The following SALL3 variants were observed in gnomAD, a reference collection of about 807,000 sequenced individuals.
SALL3 encodes the protein sal-like protein 3.
A neutral mutation model predicts 66.2 loss-of-function variants in SALL3; 25 were observed. The observed-to-expected ratio is 0.38, with a 90% confidence interval of 0.28 to 0.53. The LOEUF is 0.53. SALL3 is among the 20% of genes least tolerant of loss of function. SALL3 has a pLI of 0.85. For missense variants in SALL3, 2,194 were observed against 1,916.5 expected (o/e 1.14, Z -2.70); for synonymous variants, 1,152 against 899.1 (o/e 1.28, Z -5.03).
intron 2 of SALL3, 130 bp from the exon 3 acceptor site, chr18:78,996,761 C>A: frequency 1.2e-6 from 1 of 836,418 alleles, no homozygotes; most frequent in South Asian, 1.9e-5. Flanking sequence ...CAGAAAAGTC[C>A]ACCTGTGTTT....
chr18:78,997,139 G>A lies in SALL3; in HGVS notation c.3720G>A (p.Gln1240=), dbSNP rs757128614. Reference sequence around the variant, plus strand: ...TCATCCAGAACGGCGGCATCCCCCAGCTCCCCGTGAGTCTTGGGGGCAGCG... The same window carrying A: ...TCATCCAGAACGGCGGCATCCCCCAACTCCCCGTGAGTCTTGGGGGCAGCG... ...ISVIQNGGIP[Q]LPVSLGGSAL... The change falls in exon 3 of 3, where the codon CAG becomes CAA. Residue 1240 remains glutamine (Q), a synonymous_variant. Transcript: ENST00000537592. The A allele has an allele frequency of 1.2e-6, 2 of 1,614,004 alleles. No homozygotes were observed. The highest frequency in any genetic ancestry group is 2.2e-5 in the South Asian group (2 of 91,084).
intron 2 of SALL3, 67 bp downstream of exon 2, chr18:78,995,529 C>T (rs1001439635): frequency 1.3e-6 from 2 of 1,486,986 alleles, no homozygotes; most frequent in Non-Finnish European, 1.8e-6. Flanking sequence ...TCTCCATCAC[C>T]TGCCGCAGAC....
rs1211748966 is a variant in SALL3, at chr18:78,993,100, G to A, written c.1109G>A (p.Gly370Asp). 2.5e-6 allele frequency: 4 copies of A among 1,601,888 alleles called. No individual in the cohort carries two copies. The highest frequency in any genetic ancestry group is 3.4e-6 in the Non-Finnish European group (4 of 1,177,254). Residue 370 changes from glycine (G) to aspartate (D), a missense_variant, in exon 2 of 3, where the codon GGC becomes GAC. Coordinates refer to ENST00000537592, the MANE Select transcript of SALL3 (RefSeq NM_171999.4). Reference sequence around the variant, plus strand: ...CTTCTACCTCAGACTTCCGCCAGCGGCGTCATCTTCCCCAACCCGCTGGTC... The same window carrying A: ...CTTCTACCTCAGACTTCCGCCAGCGACGTCATCTTCCCCAACCCGCTGGTC... ...SPLLPQTSAS[G>D]VIFPNPLVSI...
intron 1 of SALL3, among the ~76,000 whole-genome samples, chr18:78,981,305 C>T (rs1401582974): frequency 6.6e-6 from 1 of 152,306 alleles, no homozygotes; most frequent in Admixed American, 6.5e-5. Flanking sequence ...CCCCAGGGCG[C>T]CAGGAAAGAG....
chr18:78,991,058 C>T (rs2472640), intron 1 of SALL3, among the ~76,000 whole-genome samples: 100,448 of 152,024 alleles, frequency 0.66, 36,595 homozygotes, highest in East Asian at 0.91. Context: ...GGGTTTTCCA[C>T]TATGGCACAA....
At chr18:78,982,337 C>G (rs1281978859) in intron 1 of SALL3, among the ~76,000 whole-genome samples, 1 of 152,134 alleles carries the variant, frequency 6.6e-6, no homozygotes, top group African/African-American at 2.4e-5. Flanking sequence ...CTTGTCAAGC[C>G]TGTGTTTTTC....
In SALL3 at chr18:78,994,463, C is replaced by G. The variant is rs761416515; in HGVS notation, c.2472C>G (p.Ser824=). ...CCGACCCGGCCAAGCCACTCCTGTC[C>G]TACGCGGGGTCCTGCCCGCCCTCCC... is the stretch of plus-strand genomic sequence containing the variant. ...AATDPAKPLL[S]YAGSCPPSPP... The change falls in exon 2 of 3, where the codon TCC becomes TCG. Residue 824 remains serine, a synonymous_variant. Coordinates refer to ENST00000537592, the MANE Select transcript of SALL3 (RefSeq NM_171999.4). 2 of 1,612,620 alleles carry G rather than the reference C, an allele frequency of 1.2e-6. No individual in the cohort carries two copies. Among genetic ancestry groups the G allele is most frequent in the South Asian group, 1.1e-5 (1 of 91,076 alleles).
Position 78,997,306 on chromosome 18 carries a change from A to T in SALL3, c.3887A>T (p.Glu1296Val). The T allele has an allele frequency of 6.2e-7, 1 of 1,613,680 alleles. No individual in the cohort carries two copies. Among genetic ancestry groups the T allele is most frequent in the South Asian group, 1.1e-5 (1 of 91,028 alleles). Residue 1296 changes from glutamate (E) to valine (V), a missense_variant, in exon 3 of 3, where the codon GAG becomes GTG. By Grantham distance (121) the Glu-to-Val change is moderately radical. Coordinates refer to ENST00000537592, the MANE Select transcript of SALL3 (RefSeq NM_171999.4). ...ACGCGGTTTATCGAGGATAACAAGGAGATTGGTATCAACTAGCCAGTGACT... is the reference window on the plus strand; with the variant it reads ...ACGCGGTTTATCGAGGATAACAAGGTGATTGGTATCAACTAGCCAGTGACT... ...PFTRFIEDNK[E>V]IGIN
rs765286965 is a variant in SALL3 at position 78,997,040 on chromosome 18, C to T, written c.3621C>T (p.Val1207=). The change falls in exon 3 of 3, where the codon GTC becomes GTT. Residue 1207 remains valine, a synonymous_variant. Transcript: ENST00000537592. ...ACCTGGCAGCTCGGGCAATGAACGT[C>T]GACCCCAGTTTTTGGAACCAGTATG... ...QKDLAARAMN[V]DPSFWNQYAA... is the part of the protein sequence containing the mutation. 7.4e-6 allele frequency: 12 copies of T among 1,614,162 alleles called. No homozygotes were observed. The highest frequency in any genetic ancestry group is 3.3e-5 in the South Asian group (3 of 91,086).
rs757862287 is a variant in SALL3, at chr18:78,997,277, A to G, written c.3858A>G (p.Pro1286=). 1.4e-5 allele frequency: 22 copies of G among 1,614,040 alleles called. No homozygotes were observed. Among genetic ancestry groups the G allele is most frequent in the Non-Finnish European group, 1.9e-5 (22 of 1,180,036 alleles). ...GCTCAGAAACAGCAGCCAGCCGCCC[A>G]TTCACGCGGTTTATCGAGGATAACA... ...KASSETAASR[P]FTRFIEDNKE... Residue 1286 remains proline, a synonymous_variant, in exon 3 of 3, where the codon CCA becomes CCG. Transcript: ENST00000537592.
At chr18:78,988,769 G>T (rs1914331237) in intron 1 of SALL3, among the ~76,000 whole-genome samples, 1 of 152,194 alleles carries the variant, frequency 6.6e-6, no homozygotes, top group African/African-American at 2.4e-5. Flanking sequence ...AACAATTGAG[G>T]TGATCACATT....
Position 78,979,937 on chromosome 18 carries a change from CGCGGCGCCGGAGCCCGCGATGTGAG to C in SALL3, c.-327_-303del, listed in dbSNP as rs1170490247. Among the ~76,000 whole-genome samples, 3 of 144,722 alleles carry C rather than the reference CGCGGCGCCGGAGCCCGCGATGTGAG, an allele frequency of 2.1e-5. No homozygotes were observed. The highest frequency in any genetic ancestry group is 7.4e-5 in the African/African-American group (3 of 40,530). The allele number at this position is 144,722 out of a possible 152,430, so 94.9% of individuals were successfully genotyped here. On this transcript the variant is annotated 5_prime_UTR_variant, in exon 1 of 3. An upstream start codon of the reference 5' UTR is lost. Coordinates refer to ENST00000537592, the MANE Select transcript of SALL3 (RefSeq NM_171999.4). Reference sequence around the variant, plus strand: ...AGCCGCACCCGGGGCGGCCGAGGAGCGCGGCGCCGGAGCCCGCGATGTGAGGCGGCGCCGGGCAGCGCGCGCCCCG... The same window carrying C: ...AGCCGCACCCGGGGCGGCCGAGGAGCGCGGCGCCGGGCAGCGCGCGCCCCG...
Position 78,998,651 on chromosome 18 carries a change from T to G in SALL3, c.*1329T>G, listed in dbSNP as rs1459713714. The stretch of plus-strand genomic sequence containing the variant: ...TCTCTCTCTCACCCACAGACAAGAT[T>G]GTGGCTGCCTGGTGGCACTGGTCAC... On this transcript the variant is annotated 3_prime_UTR_variant, in exon 3 of 3. Coordinates refer to ENST00000537592, the MANE Select transcript of SALL3 (RefSeq NM_171999.4). The G allele has an allele frequency of 2.6e-5, 4 of 152,270 alleles. No homozygotes were observed. Among genetic ancestry groups the G allele is most frequent in the Admixed American group, 1.3e-4 (2 of 15,290 alleles). The allele number at this position is 152,270 out of a possible 1,614,324, so 9.4% of individuals were successfully genotyped here.
In SALL3 at chr18:78,993,925, C is replaced by G. The variant is rs772487981; in HGVS notation, c.1934C>G (p.Ala645Gly). Residue 645 changes from alanine (A) to glycine (G), a missense_variant, in exon 2 of 3, where the codon GCC becomes GGC. Coordinates refer to ENST00000537592, the MANE Select transcript of SALL3 (RefSeq NM_171999.4). Reference sequence around the variant, plus strand: ...CCCGCCGTCTCCGAGCAGTTCAAGGCCCAGTTTCCGTTCGGGGGGCTGCTA... The same window carrying G: ...CCCGCCGTCTCCGAGCAGTTCAAGGGCCAGTTTCCGTTCGGGGGGCTGCTA... ...GLPAVSEQFKAQFPFGGLLDS... is the reference protein window; with the variant it reads ...GLPAVSEQFKGQFPFGGLLDS... 6.2e-7 allele frequency: 1 copy of G among 1,606,080 alleles called. No individual in the cohort carries two copies. Among genetic ancestry groups the G allele is most frequent in the Non-Finnish European group, 8.5e-7 (1 of 1,176,820 alleles).
chr18:78,987,064 C>A (rs1441065240), intron 1 of SALL3, among the ~76,000 whole-genome samples: 1 of 150,746 alleles, frequency 6.6e-6, no homozygotes, highest in Non-Finnish European at 1.5e-5. Flanking sequence ...AAAAAAAAAA[C>A]CTGTTTTAGG....
rs1434721261 is a variant in SALL3 at position 78,980,329 on chromosome 18, C to T, written c.55C>T (p.Leu19=). ...PQHLKSDEEL[L]PPDGAPEHAA... Reference sequence around the variant, plus strand: ...GCACCTCAAGTCGGACGAGGAGCTGCTGCCGCCTGACGGGGCTCCCGAGCA... The same window carrying T: ...GCACCTCAAGTCGGACGAGGAGCTGTTGCCGCCTGACGGGGCTCCCGAGCA... The change falls in exon 1 of 3, where the codon CTG becomes TTG. Residue 19 remains leucine (L), a synonymous_variant. Transcript: ENST00000537592. 2.1e-6 allele frequency: 3 copies of T among 1,441,956 alleles called. No individual in the cohort carries two copies. The highest frequency in any genetic ancestry group is 2.3e-5 in the Admixed American group (1 of 43,284). 89.3% of individuals were successfully genotyped at this position (1,441,956 alleles called of 1,614,324 possible).
rs1914229814 is a variant in SALL3, at chr18:78,985,864, A to G, written c.82+5508A>G. 4.6e-5 allele frequency among the ~76,000 whole-genome samples: 7 copies of G among 152,352 alleles called. No individual in the cohort carries two copies. In the South Asian group the frequency reaches 1.4e-3, roughly 32 times the overall value. On this transcript the variant is annotated intron_variant, in intron 1 of 2. Transcript: ENST00000537592. The stretch of plus-strand genomic sequence containing the variant: ...TTTCATGTGTCGGATCAGTGAGACC[A>G]CAGCCTTTGAATGTAAACCATCTGC...
Position 78,993,733 on chromosome 18 carries a change from C to A in SALL3, c.1742C>A (p.Ala581Asp). 1 of 1,553,380 alleles carries A rather than the reference C, an allele frequency of 6.4e-7. No homozygotes were observed. Among genetic ancestry groups the A allele is most frequent in the East Asian group, 2.3e-5 (1 of 43,788 alleles). The change falls in exon 2 of 3, where the codon GCC (alanine) becomes GAC (aspartate). Residue 581 changes from alanine to aspartate, a missense_variant. Ala to Asp is a moderately radical substitution (Grantham distance 126, BLOSUM62 -2). Coordinates refer to ENST00000537592, the MANE Select transcript of SALL3 (RefSeq NM_171999.4). ...NHVESGVSAT[A>D]ESPQSLLGGP... Reference sequence around the variant, plus strand: ...GTGGAGTCCGGCGTGTCGGCCACCGCCGAGTCCCCACAGTCGCTCCTCGGC... The same window carrying A: ...GTGGAGTCCGGCGTGTCGGCCACCGACGAGTCCCCACAGTCGCTCCTCGGC...
chr18:78,995,032 G>T lies in SALL3; in HGVS notation c.3041G>T (p.Cys1014Phe), dbSNP rs989460947. ...PFVCALCRRG[C>F]STMGNLKQHL... ...GTCTGCGCGCTCTGCAGGCGAGGGTGCTCCACTATGGGTAATTTAAAACAG... is the reference window on the plus strand; with the variant it reads ...GTCTGCGCGCTCTGCAGGCGAGGGTTCTCCACTATGGGTAATTTAAAACAG... Residue 1014 changes from cysteine (C) to phenylalanine (F), a missense_variant, in exon 2 of 3, where the codon TGC becomes TTC. Cys to Phe is a radical substitution (Grantham distance 205, BLOSUM62 -2). Transcript: ENST00000537592. The T allele has an allele frequency of 8.1e-6, 13 of 1,613,738 alleles. No homozygotes were observed. Among genetic ancestry groups the T allele is most frequent in the Non-Finnish European group, 1.1e-5 (13 of 1,180,046 alleles).
Sources: gnomAD v4.1 joint callset for allele counts (sites outside exome capture counted in the v4.1 genomes callset) on GRCh38, gnomAD v4.1.1 for gene constraint, MANE v1.5 for transcripts, NCBI Gene and HGNC (gene_info 2026-07-23, HGNC 2026-07-21) for gene names.